Variants in KIF23 observed in about 807,000 individuals in gnomAD.
The protein encoded by KIF23 is kinesin family member 23.
In KIF23, 30 loss-of-function variants were observed where a neutral mutation model predicts 137.5. The ratio of observed to expected loss-of-function variants is 0.22; its 90% CI spans 0.16 to 0.30. KIF23 has a LOEUF of 0.30. KIF23 is among the 10% of genes least tolerant of loss of function. The probability of loss-of-function intolerance (pLI) is 1.00; values close to 1 mark genes in which losing one functional copy is unlikely to be tolerated. For missense variants in KIF23, 920 were observed against 1,194.3 expected (o/e 0.77, Z 3.38); for synonymous variants, 367 against 391.1 (o/e 0.94, Z 0.73).
At position 69,447,501 on chromosome 15, in the gene KIF23, CAT is replaced by C. The variant is rs546306828; in HGVS notation, c.2910-290_2910-289del. Among the ~76,000 whole-genome samples the C allele has an allele frequency of 1.8e-4, 28 of 152,128 alleles. No homozygotes were observed. The East Asian group carries it at 3.3e-3, about 18-fold the overall frequency. On this transcript the variant is annotated intron_variant, in intron 23 of 23. Coordinates refer to ENST00000679126, the MANE Select transcript of KIF23 (RefSeq NM_001367805.3). ...CAAATACATACATATATGTATATCACATGTTATATACATATATGTATATAAAA... is the reference window on the plus strand; with the variant it reads ...CAAATACATACATATATGTATATCACGTTATATACATATATGTATATAAAA...
intron 18 of KIF23, 74 bp downstream of exon 18, chr15:69,440,561 G>T: frequency 7.4e-7 from 1 of 1,352,150 alleles, no homozygotes; most frequent in South Asian, 1.6e-5. Flanking sequence ...ATTTCTATGA[G>T]GATTTTTACA....
Position 69,414,483 on chromosome 15 carries a change from A to G in KIF23, c.11+7A>G. ...CTGCTGCCATGAAGTCAGCGTGAGT[A>G]CGAGGCCGCCGAGCAGGGAGAGAGG... is the stretch of plus-strand genomic sequence containing the variant. On this transcript the variant is annotated splice_region_variant and intron_variant, in intron 1 of 23. Coordinates refer to ENST00000679126, the MANE Select transcript of KIF23 (RefSeq NM_001367805.3). 2 of 1,581,346 alleles carry G rather than the reference A, an allele frequency of 1.3e-6. No individual in the cohort carries two copies. The highest frequency in any genetic ancestry group is 1.2e-5 in the South Asian group (1 of 86,150).
Position 69,414,455 on chromosome 15 carries a change from A to C in KIF23, c.-11A>C. 1 of 1,588,828 alleles carries C rather than the reference A, an allele frequency of 6.3e-7. No individual in the cohort carries two copies. Among genetic ancestry groups the C allele is most frequent in the Non-Finnish European group, 8.6e-7 (1 of 1,168,068 alleles). ...CCGCATGCGCGTTTGGGCGGCGTGG[A>C]GCCTGCTGCCATGAAGTCAGCGTGA... On this transcript the variant is annotated 5_prime_UTR_variant, in exon 1 of 24. Transcript: ENST00000679126.
intron 18 of KIF23, 52 bp downstream of exon 18, chr15:69,440,539 G>A (rs781389766): frequency 1.1e-5 from 16 of 1,471,120 alleles, no homozygotes; most frequent in Middle Eastern, 1.8e-4. Flanking sequence ...ATTTTGTTCA[G>A]ATTAGATGAC....
intron 12 of KIF23, 44 bp from the exon 13 acceptor site, chr15:69,435,608 G>A (rs374449563): frequency 3.7e-6 from 6 of 1,612,532 alleles, no homozygotes; most frequent in Non-Finnish European, 5.1e-6. Flanking sequence ...TCATTTGTGT[G>A]CATTTTTTTT....
At chr15:69,414,542 A>C in intron 1 of KIF23, 66 bp downstream of exon 1, 2 of 1,476,472 alleles carry the variant, frequency 1.4e-6, no homozygotes, top group Non-Finnish European at 1.8e-6. Context: ...GGCTGGGGGC[A>C]GGCGTCTCCA....
chr15:69,432,327 A>G (rs1027155118), intron 11 of KIF23, among the ~76,000 whole-genome samples: 4 of 152,136 alleles, frequency 2.6e-5, no homozygotes, highest in Admixed American at 2.6e-4. Context: ...TGGAATAGAG[A>G]TAAAGATTTA....
chr15:69,430,190 G>GT (rs1404511626), intron 11 of KIF23, among the ~76,000 whole-genome samples: 1 of 152,050 alleles, frequency 6.6e-6, no homozygotes, highest in African/African-American at 2.4e-5. Flanking sequence ...CTGTATATGT[G>GT]TTTTTTAAAA....
At chr15:69,419,792 G>A (rs894924666) in intron 3 of KIF23, among the ~76,000 whole-genome samples, 1 of 152,160 alleles carries the variant, frequency 6.6e-6, no homozygotes, top group Non-Finnish European at 1.5e-5. Context: ...TTTTTTGGAG[G>A]AGCAGGTCTT....
At chr15:69,436,760 A>G (rs375201027) in intron 15 of KIF23, 38 bp downstream of exon 15, 1 of 914,948 alleles carries the variant, frequency 1.1e-6, no homozygotes, top group African/African-American at 1.8e-5. Flanking sequence ...TTATTTAATT[A>G]TTTTTTTTTT....
At chr15:69,442,855 G>T (rs2057653323) in intron 19 of KIF23, among the ~76,000 whole-genome samples, 1 of 152,172 alleles carries the variant, frequency 6.6e-6, no homozygotes, top group Admixed American at 6.5e-5. Context: ...GTTAGTATCT[G>T]TGCATCTAAG....
At chr15:69,432,816 A>G (rs1053609097) in intron 11 of KIF23, among the ~76,000 whole-genome samples, 2 of 152,224 alleles carry the variant, frequency 1.3e-5, no homozygotes, top group African/African-American at 4.8e-5. Context: ...GATGAACATA[A>G]ATATCTTGAT....
Position 69,415,990 on chromosome 15 carries a change from C to CCA in KIF23, c.12-3_12-2dup. The CCA allele has an allele frequency of 1.3e-6, 2 of 1,568,212 alleles. No individual in the cohort carries two copies. The highest frequency in any genetic ancestry group is 1.7e-6 in the Non-Finnish European group (2 of 1,164,784). ...GTTATTATTATTTTTTAATCTATGACCAGGAGAGCTAAGACACCCCGGAAA... is the reference window on the plus strand; with the variant it reads ...GTTATTATTATTTTTTAATCTATGACCACAGGAGAGCTAAGACACCCCGGAAA... On this transcript the variant is annotated splice_polypyrimidine_tract_variant and splice_region_variant and intron_variant, in intron 1 of 23. Transcript: ENST00000679126.
chr15:69,436,233 A>G lies in KIF23; in HGVS notation c.1410A>G (p.Arg470=). The G allele has an allele frequency of 2.5e-6, 4 of 1,614,020 alleles. No homozygotes were observed. The highest frequency in any genetic ancestry group is 3.4e-6 in the Non-Finnish European group (4 of 1,179,972). ...ICGLTPGRRY[R]NQPRGPVGNE... is the part of the protein sequence containing the mutation. ...GTTTAACGCCTGGGAGGAGATACAG[A>G]AACCAGCCTCGAGGTCCAGTTGGAA... is the stretch of plus-strand genomic sequence containing the variant. Residue 470 remains arginine, a synonymous_variant, in exon 14 of 24, where the codon AGA becomes AGG. Coordinates refer to ENST00000679126, the MANE Select transcript of KIF23 (RefSeq NM_001367805.3).
At chr15:69,422,267 T>C (rs2057075103) in intron 5 of KIF23, 59 bp from the exon 6 acceptor site, 1 of 1,453,282 alleles carries the variant, frequency 6.9e-7, no homozygotes, top group Non-Finnish European at 9.4e-7. Flanking sequence ...TATTTCTTAC[T>C]ATTTAAGTTA....
intron 11 of KIF23, chr15:69,435,155 G>T: frequency 2.2e-6 from 1 of 458,282 alleles, no homozygotes; most frequent in East Asian, 3.3e-5. Flanking sequence ...TTAATATGAG[G>T]ATATTAAACA....
At chr15:69,414,602 C>A in intron 1 of KIF23, 126 bp downstream of exon 1, 1 of 1,097,344 alleles carries the variant, frequency 9.1e-7, no homozygotes. Context: ...CCGCCCGGTG[C>A]TGCTGCGGCC....
Position 69,429,157 on chromosome 15 carries a change from C to A in KIF23, c.1058C>A (p.Ala353Asp). 6.2e-7 allele frequency: 1 copy of A among 1,613,164 alleles called. No individual in the cohort carries two copies. Among genetic ancestry groups the A allele is most frequent in the Non-Finnish European group, 8.5e-7 (1 of 1,179,446 alleles). The change falls in exon 11 of 24, where the codon GCT becomes GAT. Residue 353 changes from alanine (A) to aspartate (D), a missense_variant. This residue lies in a region of KIF23 where 714 missense variants were observed against 866.2 expected (regional missense o/e 0.82). Coordinates refer to ENST00000679126, the MANE Select transcript of KIF23 (RefSeq NM_001367805.3). ...AGTCAGTTGTCCTTGGTAGATCTTGCTGGAAGTGAAAGAACTAACCGGACC... is the reference window on the plus strand; with the variant it reads ...AGTCAGTTGTCCTTGGTAGATCTTGATGGAAGTGAAAGAACTAACCGGACC... The part of the protein sequence containing the change: ...TISQLSLVDL[A>D]GSERTNRTRA...
intron 11 of KIF23, 47 bp downstream of exon 11, chr15:69,429,260 T>TG: frequency 7.7e-7 from 1 of 1,301,462 alleles, no homozygotes; most frequent in Middle Eastern, 1.8e-4. Context: ...TTCAGAAACT[T>TG]GCAATGCCAG....
Sources: gnomAD v4.1 joint callset for allele counts (sites outside exome capture counted in the v4.1 genomes callset) on GRCh38, gnomAD v4.1.1 for gene constraint, gnomAD v4.1.1 regional missense constraint, MANE v1.5 for transcripts, NCBI Gene and HGNC (gene_info 2026-07-23, HGNC 2026-07-21) for gene names.